The following ANOS1 variants were observed in gnomAD, a reference collection of about 807,000 sequenced individuals.
ANOS1 encodes the protein anosmin-1.
In ANOS1, 6 loss-of-function variants were observed where a neutral mutation model predicts 59.0. The ratio of observed to expected loss-of-function variants is 0.10; its 90% CI spans 0.06 to 0.20. The LOEUF (loss-of-function observed/expected upper bound fraction) is 0.20, where lower values mean the gene tolerates loss of function less well. ANOS1 is among the 10% of genes least tolerant of loss of function. The probability of loss-of-function intolerance (pLI) is 1.00; values close to 1 mark genes in which losing one functional copy is unlikely to be tolerated. For missense variants in ANOS1, 433 were observed against 542.3 expected, an observed-to-expected ratio of 0.80 and a Z score of 2.00; for synonymous variants, 217 against 223.4, an observed-to-expected ratio of 0.97 and a Z score of 0.25.
intron 6 of ANOS1, among the ~76,000 whole-genome samples, chrX:8,576,176 G>A (rs943480029): frequency 9.0e-5 from 10 of 110,563 alleles, no homozygotes; most frequent in Admixed American, 5.8e-4. Context: ...GTTTGTTGCC[G>A]TGATTCTCCT....
intron 2 of ANOS1, among the ~76,000 whole-genome samples, chrX:8,627,428 A>G (rs1931415088): frequency 8.9e-6 from 1 of 112,345 alleles, no homozygotes; most frequent in Non-Finnish European, 1.9e-5. Flanking sequence ...TGGAATGCTA[A>G]TCAAAGCAAT....
intron 2 of ANOS1, among the ~76,000 whole-genome samples, chrX:8,643,448 G>T (rs189057159): frequency 9.0e-6 from 1 of 111,088 alleles, no homozygotes; most frequent in Non-Finnish European, 1.9e-5. Context: ...AGGGGTCTAG[G>T]GAGTCATGCC....
At chrX:8,648,031 T>C (rs1429185094) in intron 2 of ANOS1, among the ~76,000 whole-genome samples, 1 of 112,303 alleles carries the variant, frequency 8.9e-6, no homozygotes, top group African/African-American at 3.2e-5. Context: ...ACTGTATAAA[T>C]GTTATAAATT....
rs1930752129 is a variant in ANOS1 at position 8,597,130 on chromosome X, C to T, written c.445G>A (p.Glu149Lys). 1 of 1,209,742 alleles carries T rather than the reference C, an allele frequency of 8.3e-7. No homozygotes were observed. Among genetic ancestry groups the T allele is most frequent in the African/African-American group, 1.8e-5 (1 of 57,044 alleles). ...CACTCATTGTCAACTTCGCAGCTTT[C>T]AACACAGGCGGCCGCAAATCCACTG... ...KASGFAAACV[E>K]SCEVDNECSG... is the part of the protein sequence containing the mutation. Residue 149 changes from glutamate to lysine, a missense_variant, in exon 4 of 14, where the codon GAA becomes AAA. Coordinates refer to ENST00000262648, the MANE Select transcript of ANOS1 (RefSeq NM_000216.4).
chrX:8,545,061 C>CAAAAAAAAAA (rs759787339), intron 9 of ANOS1, among the ~76,000 whole-genome samples: 11 of 20,408 alleles, frequency 5.4e-4, no homozygotes, highest in Non-Finnish European at 7.6e-4. Flanking sequence ...AGAGAAACTC[C>CAAAAAAAAAA]AAAAAAAAAA....
chrX:8,703,268 G>A (rs1012906878), intron 1 of ANOS1, among the ~76,000 whole-genome samples: 2 of 112,446 alleles, frequency 1.8e-5, no homozygotes, highest in South Asian at 3.7e-4. Flanking sequence ...CTGAGGCCAT[G>A]CAAGAGTGAC....
At chrX:8,642,978 C>T (rs192476255) in intron 2 of ANOS1, among the ~76,000 whole-genome samples, 2 of 112,313 alleles carry the variant, frequency 1.8e-5, no homozygotes, top group African/African-American at 6.4e-5. Context: ...CCTCCTCTTT[C>T]GTGTTAGTTT....
rs35639224 is a variant in ANOS1 at position 8,725,697 on chromosome X, GAT to G, written c.207+6131_207+6132del. ...ATATATACAGATATATATATATACA[GAT>G]ATATATATACAGATATATATATATA... On this transcript the variant is annotated intron_variant, in intron 1 of 13. Transcript: ENST00000262648. Among the ~76,000 whole-genome samples the G allele has an allele frequency of 2.2e-4, 6 of 27,040 alleles. 1 individual carries two copies. The highest frequency in any genetic ancestry group is 1.3e-3 in the African/African-American group (6 of 4,482). 23.5% of individuals were successfully genotyped at this position (27,040 alleles called of 115,157 possible). A position where few individuals can be genotyped will look rare whatever the true frequency, so the allele number is the denominator to read the frequency against.
At chrX:8,677,107 C>A (rs978780177) in intron 2 of ANOS1, among the ~76,000 whole-genome samples, 16 of 111,508 alleles carry the variant, frequency 1.4e-4, no homozygotes, top group African/African-American at 4.9e-4. Context: ...GGACACTCAG[C>A]ACGTGAAATG....
At chrX:8,722,693 T>C (rs1932884005) in intron 1 of ANOS1, among the ~76,000 whole-genome samples, 1 of 112,102 alleles carries the variant, frequency 8.9e-6, no homozygotes, top group Non-Finnish European at 1.9e-5. Context: ...CAAGTATCTT[T>C]TTTCATATAA....
chrX:8,614,865 A>C (rs1931131865), intron 3 of ANOS1, among the ~76,000 whole-genome samples: 1 of 84,412 alleles, frequency 1.2e-5, no homozygotes, highest in Non-Finnish European at 2.4e-5. Context: ...CGAGTAATAT[A>C]AGAAAAATAT....
chrX:8,613,295 C>T (rs1931098533), intron 3 of ANOS1, among the ~76,000 whole-genome samples: 1 of 110,154 alleles, frequency 9.1e-6, no homozygotes, highest in African/African-American at 3.3e-5. Flanking sequence ...ACAGCCTCAA[C>T]CTCCTGGGCT....
At chrX:8,605,903 A>C (rs1470412490) in intron 3 of ANOS1, among the ~76,000 whole-genome samples, 1 of 108,222 alleles carries the variant, frequency 9.2e-6, no homozygotes, top group Non-Finnish European at 1.9e-5. Context: ...TACTAAATTT[A>C]GTATGTGAAG....
chrX:8,659,920 C>T (rs777242310), intron 2 of ANOS1, among the ~76,000 whole-genome samples: 6 of 111,403 alleles, frequency 5.4e-5, no homozygotes, highest in East Asian at 2.8e-4. Flanking sequence ...TGAGCCACTG[C>T]GCCCAGCTTG....
chrX:8,588,811 A>C (rs1930566664), intron 4 of ANOS1, among the ~76,000 whole-genome samples: 1 of 112,423 alleles, frequency 8.9e-6, no homozygotes, highest in Non-Finnish European at 1.9e-5. Context: ...GGAATTTGTA[A>C]AGAAATTTGT....
intron 2 of ANOS1, among the ~76,000 whole-genome samples, chrX:8,646,280 C>T (rs771153512): frequency 1.6e-4 from 18 of 111,042 alleles, no homozygotes; most frequent in Non-Finnish European, 2.5e-4. Flanking sequence ...CAGGCTCAAG[C>T]GATTCTCCCA....
chrX:8,646,084 G>A (rs370896811), intron 2 of ANOS1, among the ~76,000 whole-genome samples: 8 of 112,153 alleles, frequency 7.1e-5, no homozygotes, highest in South Asian at 3.7e-4. Flanking sequence ...GTGAGCCACC[G>A]TGCTGGGACA....
intron 2 of ANOS1, among the ~76,000 whole-genome samples, chrX:8,693,733 A>ATTTTTTTTT (rs35989320): frequency 1.3e-5 from 1 of 75,317 alleles, no homozygotes; most frequent in African/African-American, 5.2e-5. Flanking sequence ...TATTGCATGA[A>ATTTTTTTTT]TTTTTTTTTT....
At chrX:8,585,789 A>G (rs1372711461) in intron 5 of ANOS1, among the ~76,000 whole-genome samples, 1 of 112,225 alleles carries the variant, frequency 8.9e-6, no homozygotes, top group East Asian at 2.8e-4. Context: ...CATGCCAAAT[A>G]TAACTGTAAA....
Sources: gnomAD v4.1 joint callset for allele counts (sites outside exome capture counted in the v4.1 genomes callset) on GRCh38, gnomAD v4.1.1 for gene constraint, MANE v1.5 for transcripts, NCBI Gene and HGNC (gene_info 2026-07-23, HGNC 2026-07-21) for gene names.